Variants in TEX9 observed in about 807,000 individuals in gnomAD.
TEX9 encodes testis expressed 9, also known as testis-expressed protein 9.
In TEX9, 74 loss-of-function variants were observed where a neutral mutation model predicts 59.6. The observed-to-expected ratio is 1.24, with a 90% CI of 1.03 to 1.51. The LOEUF (loss-of-function observed/expected upper bound fraction) is 1.51, where lower values mean the gene tolerates loss of function less well. Ranked by LOEUF, TEX9 falls within the 40% of genes most tolerant of loss-of-function variation. The probability of loss-of-function intolerance (pLI) is 0.00; values close to 1 mark genes in which losing one functional copy is unlikely to be tolerated. For synonymous variants in TEX9, 186 were observed against 152.2 expected (o/e 1.22, Z -1.64); for missense variants, 522 against 447.8 (o/e 1.17, Z -1.49).
At chr15:56,426,626 T>TATATATATAC (rs1214988827) in intron 10 of TEX9, among the ~76,000 whole-genome samples, 49 of 47,168 alleles carry the variant, frequency 1.0e-3, no homozygotes, top group South Asian at 2.1e-3. Context: ...TATATATATA[T>TATATATATAC]ACACACACAC....
chr15:56,328,830 A>C (rs1439140573), intron 1 of TEX9, among the ~76,000 whole-genome samples: 1 of 152,224 alleles, frequency 6.6e-6, no homozygotes, highest in Non-Finnish European at 1.5e-5. Flanking sequence ...CCTGTATGGC[A>C]TCACTGGACC....
chr15:56,414,370 C>G (rs2049559718), intron 10 of TEX9, among the ~76,000 whole-genome samples: 1 of 151,570 alleles, frequency 6.6e-6, no homozygotes, highest in Non-Finnish European at 1.5e-5. Context: ...CAATAGTTAT[C>G]TCTTCTGCTC....
chr15:56,245,820 C>G (rs1225129409), intron 1 of TEX9, among the ~76,000 whole-genome samples: 2 of 152,128 alleles, frequency 1.3e-5, no homozygotes, highest in African/African-American at 4.8e-5. Context: ...AGCCTGCAAG[C>G]TATGCTGAAA....
chr15:56,272,381 A>T (rs1307664783), intron 1 of TEX9, among the ~76,000 whole-genome samples: 1 of 152,078 alleles, frequency 6.6e-6, no homozygotes, highest in African/African-American at 2.4e-5. Context: ...CATGTGGCCT[A>T]TTGTGTCTGT....
chr15:56,332,612 A>AGT (rs1555433953), intron 1 of TEX9, among the ~76,000 whole-genome samples: 17 of 122,752 alleles, frequency 1.4e-4, no homozygotes, highest in Non-Finnish European at 2.7e-4. Flanking sequence ...TAAAACTTAA[A>AGT]ATATAAAAAA....
chr15:56,306,887 A>G (rs1418072101), intron 1 of TEX9, among the ~76,000 whole-genome samples: 1 of 152,198 alleles, frequency 6.6e-6, no homozygotes, highest in Non-Finnish European at 1.5e-5. Context: ...CTATGTACCC[A>G]TGAAACATTG....
At chr15:56,456,605 C>G in the TEX9 span, 4 of 1,419,702 alleles carry the variant, frequency 2.8e-6, no homozygotes, top group Non-Finnish European at 3.9e-6. Flanking sequence ...TAACAGAAAA[C>G]TAAATGCCTT....
At chr15:56,440,720 TAC>T (rs1418641875) in intron 12 of TEX9, among the ~76,000 whole-genome samples, 10 of 152,208 alleles carry the variant, frequency 6.6e-5, no homozygotes, top group Non-Finnish European at 1.5e-5. Flanking sequence ...TTGAAAAAGT[TAC>T]ATATTGTTTG....
At chr15:56,284,738 T>A (rs1235655193) in intron 1 of TEX9, among the ~76,000 whole-genome samples, 3 of 152,132 alleles carry the variant, frequency 2.0e-5, no homozygotes, top group Admixed American at 6.6e-5. Context: ...TCTAAATATA[T>A]CTTTATTGTT....
chr15:56,396,327 A>C (rs1846501915), intron 9 of TEX9: 2 of 152,142 alleles, frequency 1.3e-5, no homozygotes, highest in Non-Finnish European at 2.9e-5. Flanking sequence ...ATATGCAGTA[A>C]ATTCACACTT....
At chr15:56,272,532 T>C (rs1386164154) in intron 1 of TEX9, among the ~76,000 whole-genome samples, 1 of 152,236 alleles carries the variant, frequency 6.6e-6, no homozygotes, top group Non-Finnish European at 1.5e-5. Context: ...TTGGGTTGTT[T>C]TCACTTTCTG....
chr15:56,371,209 T>C (rs1441323875), intron 2 of TEX9, among the ~76,000 whole-genome samples: 2 of 152,198 alleles, frequency 1.3e-5, no homozygotes, highest in Non-Finnish European at 2.9e-5. Flanking sequence ...CTTCAATGGA[T>C]GTTAACCTGT....
intron 3 of TEX9, among the ~76,000 whole-genome samples, chr15:56,375,873 A>G (rs2047421886): frequency 6.6e-6 from 1 of 151,354 alleles, no homozygotes. Flanking sequence ...CATATACACC[A>G]TGGAATACTA....
chr15:56,400,328 C>T (rs950579092), intron 9 of TEX9, among the ~76,000 whole-genome samples: 3 of 152,166 alleles, frequency 2.0e-5, no homozygotes, highest in African/African-American at 4.8e-5. Context: ...ACGAAAACTC[C>T]GTGATGCGTG....
intron 10 of TEX9, among the ~76,000 whole-genome samples, chr15:56,419,531 CTTTTT>C (rs1300099155): frequency 2.0e-5 from 3 of 151,612 alleles, no homozygotes; most frequent in African/African-American, 4.9e-5. Context: ...TTATATTTTT[CTTTTT>C]TTAGTCTTTC....
intron 12 of TEX9, among the ~76,000 whole-genome samples, chr15:56,437,162 A>G (rs546908190): frequency 5.6e-4 from 86 of 152,308 alleles, no homozygotes; most frequent in Admixed American, 1.4e-3. Context: ...ACACCACAAA[A>G]AAAAGAGAAT....
At chr15:56,399,454 G>A (rs993442457) in intron 9 of TEX9, among the ~76,000 whole-genome samples, 6 of 152,240 alleles carry the variant, frequency 3.9e-5, no homozygotes, top group Admixed American at 6.5e-5. Context: ...CAAAGCGGCC[G>A]GGAAGCTTGG....
chr15:56,444,340 A>C, intron 12 of TEX9: 1 of 880,436 alleles, frequency 1.1e-6, no homozygotes, highest in South Asian at 1.8e-5. Context: ...TTGAGCACTT[A>C]CTATGTATTA....
chr15:56,451,401 G>A, the TEX9 span, among the ~76,000 whole-genome samples: 2 of 152,214 alleles, frequency 1.3e-5, no homozygotes, highest in South Asian at 4.1e-4. Flanking sequence ...GCTTTTTCTT[G>A]TTTCAGCATT....
Sources: allele counts gnomAD v4.1 joint callset (sites outside exome capture counted in the v4.1 genomes callset), GRCh38; gene constraint gnomAD v4.1.1; transcripts MANE v1.5; gene names NCBI Gene and HGNC (gene_info 2026-07-23, HGNC 2026-07-21).